The following CNTN5 variants were observed in gnomAD, a reference collection of about 807,000 sequenced individuals.
CNTN5 encodes contactin-5.
Under a neutral mutation model 129.1 loss-of-function variants are expected in CNTN5, and 77 were observed. The observed-to-expected ratio is 0.60, with a 90% CI of 0.50 to 0.72. CNTN5 has a LOEUF of 0.72. Ranked by LOEUF, CNTN5 falls within the 30% of genes least tolerant of loss-of-function variation. CNTN5 has a pLI of 0.00. For missense variants in CNTN5, 1,478 were observed against 1,328.8 expected, an observed-to-expected ratio of 1.11 and a Z score of -1.75; for synonymous variants, 509 against 465.6, an observed-to-expected ratio of 1.09 and a Z score of -1.20.
At chr11:99,358,769 A>T (rs549425207) in intron 2 of CNTN5, among the ~76,000 whole-genome samples, 2 of 152,274 alleles carry the variant, frequency 1.3e-5, no homozygotes, top group South Asian at 4.1e-4. Flanking sequence ...AGAACTTCAG[A>T]CATTCAGTTT....
intron 13 of CNTN5, among the ~76,000 whole-genome samples, chr11:100,089,066 G>A (rs556498843): frequency 6.6e-6 from 1 of 152,096 alleles, no homozygotes; most frequent in Non-Finnish European, 1.5e-5. Context: ...TGGGATGAAA[G>A]GTTGGTTCAA....
chr11:99,761,511 C>T (rs373669382), intron 3 of CNTN5, among the ~76,000 whole-genome samples: 39 of 151,566 alleles, frequency 2.6e-4, no homozygotes, highest in South Asian at 6.3e-4. Flanking sequence ...TGAGAATATG[C>T]GGTGTTTGGT....
chr11:99,519,062 G>A lies in CNTN5; in HGVS notation c.-70-37083G>A, dbSNP rs542120022. On this transcript the variant is annotated intron_variant, in intron 2 of 24. Coordinates refer to ENST00000524871, the MANE Select transcript of CNTN5 (RefSeq NM_014361.4). Reference sequence around the variant, plus strand: ...CATTTCTCCTGGAATAAAGACAGAAGCTCATAACTTGGTCTACCAGTACCC... The same window carrying A: ...CATTTCTCCTGGAATAAAGACAGAAACTCATAACTTGGTCTACCAGTACCC... Among the ~76,000 whole-genome samples, 8 of 152,106 alleles carry A rather than the reference G, an allele frequency of 5.3e-5. No individual in the cohort carries two copies. The South Asian group carries it at 1.5e-3, about 28-fold the overall frequency.
intron 2 of CNTN5, among the ~76,000 whole-genome samples, chr11:99,399,861 T>G (rs1267427393): frequency 6.6e-6 from 1 of 151,998 alleles, no homozygotes; most frequent in Non-Finnish European, 1.5e-5. Context: ...TTTTTTATTT[T>G]TAATTTTTGT....
intron 2 of CNTN5, among the ~76,000 whole-genome samples, chr11:99,350,223 T>C (rs1255933304): frequency 1.3e-5 from 2 of 152,176 alleles, no homozygotes; most frequent in African/African-American, 4.8e-5. Context: ...ATAATTGCTA[T>C]GTATATGAAA....
intron 1 of CNTN5, among the ~76,000 whole-genome samples, chr11:99,117,929 T>G (rs1218599887): frequency 6.6e-6 from 1 of 152,218 alleles, no homozygotes; most frequent in Non-Finnish European, 1.5e-5. Flanking sequence ...TCCATGCTAT[T>G]TGTTATAGCA....
At chr11:100,063,274 A>T (rs994052958) in intron 10 of CNTN5, among the ~76,000 whole-genome samples, 13 of 151,978 alleles carry the variant, frequency 8.6e-5, no homozygotes, top group African/African-American at 2.9e-4. Context: ...ACTGGTGTAC[A>T]TTCTAGTGAG....
At chr11:99,668,606 A>G (rs533715975) in intron 3 of CNTN5, among the ~76,000 whole-genome samples, 1 of 152,218 alleles carries the variant, frequency 6.6e-6, no homozygotes, top group Non-Finnish European at 1.5e-5. Flanking sequence ...TCGCTACCAC[A>G]TTTATTATAC....
At chr11:99,872,856 G>T (rs1948537527) in intron 6 of CNTN5, among the ~76,000 whole-genome samples, 1 of 151,934 alleles carries the variant, frequency 6.6e-6, no homozygotes, top group Non-Finnish European at 1.5e-5. Flanking sequence ...ATTTTAAATT[G>T]TTACATATTT....
chr11:99,821,564 G>A (rs930008873), intron 4 of CNTN5, among the ~76,000 whole-genome samples: 9 of 151,584 alleles, frequency 5.9e-5, no homozygotes, highest in African/African-American at 1.2e-4. Flanking sequence ...TTTATTATTC[G>A]ATATAATGGC....
At chr11:99,858,223 C>G (rs1948099715) in intron 6 of CNTN5, among the ~76,000 whole-genome samples, 1 of 152,044 alleles carries the variant, frequency 6.6e-6, no homozygotes, top group Non-Finnish European at 1.5e-5. Flanking sequence ...TCTGTCACAA[C>G]AGAATAACCA....
intron 2 of CNTN5, among the ~76,000 whole-genome samples, chr11:99,444,393 C>T (rs1943973695): frequency 6.6e-6 from 1 of 151,616 alleles, no homozygotes. Flanking sequence ...AACAAACAAG[C>T]AAATATCCTA....
intron 4 of CNTN5, among the ~76,000 whole-genome samples, chr11:99,834,241 C>T (rs888894384): frequency 6.6e-6 from 1 of 152,064 alleles, no homozygotes; most frequent in East Asian, 1.9e-4. Flanking sequence ...ATTGTAGACA[C>T]CTGGATTAGT....
chr11:99,956,732 G>T, intron 7 of CNTN5, 74 bp from the exon 8 acceptor site: 1 of 1,071,480 alleles, frequency 9.3e-7, no homozygotes, highest in Non-Finnish European at 1.4e-6. Context: ...CTTTCTAAAG[G>T]CTTTGTTGTT....
intron 2 of CNTN5, among the ~76,000 whole-genome samples, chr11:99,376,253 T>C (rs2136146102): frequency 6.6e-6 from 1 of 152,212 alleles, no homozygotes; most frequent in East Asian, 1.9e-4. Flanking sequence ...GAATCAACAA[T>C]CCCAAAATAT....
intron 4 of CNTN5, among the ~76,000 whole-genome samples, chr11:99,842,749 T>G (rs1397860519): frequency 6.6e-6 from 1 of 152,236 alleles, no homozygotes; most frequent in African/African-American, 2.4e-5. Context: ...TATAGAAGTT[T>G]TCCAATTTTT....
At chr11:99,435,366 G>A (rs1262288742) in intron 2 of CNTN5, among the ~76,000 whole-genome samples, 1 of 152,148 alleles carries the variant, frequency 6.6e-6, no homozygotes, top group African/African-American at 2.4e-5. Context: ...CATATCAGCT[G>A]TTGCCCATGA....
At chr11:99,505,867 C>G (rs947203112) in intron 2 of CNTN5, among the ~76,000 whole-genome samples, 3 of 152,172 alleles carry the variant, frequency 2.0e-5, no homozygotes, top group Admixed American at 6.5e-5. Flanking sequence ...TTTTGCCAGG[C>G]TCCTGGTCAT....
In CNTN5 at chr11:99,916,089, G is replaced by T. The variant is rs763395758; in HGVS notation, c.613G>T (p.Val205Phe). The T allele has an allele frequency of 6.2e-7, 1 of 1,612,486 alleles. No individual in the cohort carries two copies. Among genetic ancestry groups the T allele is most frequent in the Non-Finnish European group, 8.5e-7 (1 of 1,179,256 alleles). The change falls in exon 7 of 25, where the codon GTC becomes TTC. Residue 205 changes from valine to phenylalanine, a missense_variant. Transcript: ENST00000524871. ...TTTTAGTGGCCGGACAAGAAGTGCAGTCTCTGTGAGGGAAGGCCAGGGTGT... is the reference window on the plus strand; with the variant it reads ...TTTTAGTGGCCGGACAAGAAGTGCATTCTCTGTGAGGGAAGGCCAGGGTGT... ...GNFSGRTRSA[V>F]SVREGQGVVL...
Sources: gnomAD v4.1 joint callset for allele counts (sites outside exome capture counted in the v4.1 genomes callset) on GRCh38, gnomAD v4.1.1 for gene constraint, MANE v1.5 for transcripts, NCBI Gene and HGNC (gene_info 2026-07-23, HGNC 2026-07-21) for gene names.